Variants in CATSPERE observed in about 807,000 individuals in gnomAD.
CATSPERE encodes the protein cation channel sperm-associated auxiliary subunit epsilon.
In CATSPERE, 93 loss-of-function variants were observed where a neutral mutation model predicts 114.1. The observed-to-expected ratio is 0.81, with a 90% CI of 0.69 to 0.97. The LOEUF is 0.97. CATSPERE is among the 50% of genes least tolerant of loss of function. CATSPERE has a pLI of 0.00. For synonymous variants in CATSPERE, 341 were observed against 384.1 expected, an observed-to-expected ratio of 0.89 and a Z score of 1.31; for missense variants, 1,058 against 1,131.6, an observed-to-expected ratio of 0.93 and a Z score of 0.93.
chr1:244,553,838 C>G (rs1264299704), intron 9 of CATSPERE, among the ~76,000 whole-genome samples: 1 of 152,090 alleles, frequency 6.6e-6, no homozygotes, highest in Non-Finnish European at 1.5e-5. Flanking sequence ...GCACCCCTCT[C>G]CTTCCCAGAC....
chr1:244,510,479 A>T (rs962515553), intron 7 of CATSPERE, among the ~76,000 whole-genome samples: 3 of 152,204 alleles, frequency 2.0e-5, no homozygotes, highest in African/African-American at 7.2e-5. Flanking sequence ...GACACTTGAT[A>T]TGAATTCAAT....
chr1:244,602,419 C>T (rs1669380357), intron 17 of CATSPERE, among the ~76,000 whole-genome samples: 1 of 152,130 alleles, frequency 6.6e-6, no homozygotes, highest in Admixed American at 6.5e-5. Flanking sequence ...GCAGGGGTGG[C>T]CACCGGGAAA....
At chr1:244,547,722 C>G (rs1659974501) in intron 8 of CATSPERE, among the ~76,000 whole-genome samples, 1 of 152,030 alleles carries the variant, frequency 6.6e-6, no homozygotes, top group Non-Finnish European at 1.5e-5. Context: ...AATCATACTA[C>G]TAGAGAACAT....
At position 244,477,610 on chromosome 1, in the gene CATSPERE, A is replaced by C; in HGVS notation, c.184A>C (p.Lys62Gln). 6.4e-7 allele frequency: 1 copy of C among 1,573,436 alleles called. No individual in the cohort carries two copies. Among genetic ancestry groups the C allele is most frequent in the Non-Finnish European group, 8.7e-7 (1 of 1,144,042 alleles). Residue 62 changes from lysine (K) to glutamine (Q), a missense_variant, in exon 3 of 22, where the codon AAA (lysine) becomes CAA (glutamine). Lys to Gln is a moderately conservative substitution (Grantham distance 53). Around this residue, in one of 2 missense-constraint regions of CATSPERE, gnomAD observed 271 missense variants for 225.9 expected, o/e 1.20. Coordinates refer to ENST00000366534, the MANE Select transcript of CATSPERE (RefSeq NM_001130957.2). The stretch of plus-strand genomic sequence containing the variant: ...GCCAGAAACTTGTTTTGTGCTAAAT[A>C]AAAGGTAAGATTTATGCCATGAATA... ...SVPETCFVLNKSSPTTELRCS... is the reference protein window; with the variant it reads ...SVPETCFVLNQSSPTTELRCS...
intron 18 of CATSPERE, among the ~76,000 whole-genome samples, chr1:244,608,799 A>C (rs151044247): frequency 8.4e-4 from 128 of 151,958 alleles, no homozygotes; most frequent in Admixed American, 5.6e-3. Flanking sequence ...CTGTATCTCT[A>C]TCTGTATCTC....
intron 20 of CATSPERE, among the ~76,000 whole-genome samples, chr1:244,619,642 A>G (rs976922028): frequency 2.0e-5 from 3 of 152,198 alleles, no homozygotes; most frequent in African/African-American, 4.8e-5. Flanking sequence ...GGGGCTTCGG[A>G]AAACCACTCA....
intron 17 of CATSPERE, among the ~76,000 whole-genome samples, chr1:244,596,649 C>A (rs1167096033): frequency 6.6e-6 from 1 of 152,028 alleles, no homozygotes; most frequent in East Asian, 1.9e-4. Flanking sequence ...AGGACAAATA[C>A]CTCACGCATG....
chr1:244,485,693 GTTTTTTTTGT>G (rs1670885054), intron 5 of CATSPERE, among the ~76,000 whole-genome samples: 1 of 91,936 alleles, frequency 1.1e-5, no homozygotes, highest in South Asian at 3.3e-4. Flanking sequence ...TCTAAATTTT[GTTTTTTTTGT>G]TTTTTTTTTT....
intron 6 of CATSPERE, among the ~76,000 whole-genome samples, chr1:244,496,633 A>T (rs1199499969): frequency 6.6e-6 from 1 of 152,240 alleles, no homozygotes; most frequent in African/African-American, 2.4e-5. Context: ...TTTCCTTAAT[A>T]AATGTCCTCT....
chr1:244,498,195 G>A (rs1322457664), intron 6 of CATSPERE, among the ~76,000 whole-genome samples: 1 of 152,136 alleles, frequency 6.6e-6, no homozygotes, highest in Non-Finnish European at 1.5e-5. Context: ...AAAAATCAGT[G>A]AAAATATGTA....
At chr1:244,515,477 C>A in intron 7 of CATSPERE, 1 of 222,244 alleles carries the variant, frequency 4.5e-6, no homozygotes. Flanking sequence ...ATTAGATCCT[C>A]AGATCTAGAA....
intron 11 of CATSPERE, among the ~76,000 whole-genome samples, chr1:244,574,936 TTC>T (rs1404924833): frequency 1.3e-5 from 2 of 152,256 alleles, no homozygotes; most frequent in East Asian, 1.9e-4. Flanking sequence ...ACTTTCTGAC[TTC>T]TTTTTACACT....
chr1:244,510,537 C>G (rs1675528628), intron 7 of CATSPERE, among the ~76,000 whole-genome samples: 1 of 152,168 alleles, frequency 6.6e-6, no homozygotes, highest in Admixed American at 6.5e-5. Flanking sequence ...TATATGGCCA[C>G]TTCTGGAGAA....
chr1:244,511,879 A>G lies in CATSPERE; in HGVS notation c.430-6713A>G, dbSNP rs138032662. On this transcript the variant is annotated intron_variant, in intron 7 of 21. Coordinates refer to ENST00000366534, the MANE Select transcript of CATSPERE (RefSeq NM_001130957.2). ...GTATCATCTCATTCTCTCCTGGCCTATTAGGTTTCTGCTGAGAAATCCACT... is the reference window on the plus strand; with the variant it reads ...GTATCATCTCATTCTCTCCTGGCCTGTTAGGTTTCTGCTGAGAAATCCACT... 2.5e-3 allele frequency among the ~76,000 whole-genome samples: 386 copies of G among 152,264 alleles called. 3 individuals are homozygous for G. The highest frequency in any genetic ancestry group is 6.8e-3 in the Middle Eastern group (2 of 292).
chr1:244,518,529 TG>T, intron 7 of CATSPERE, 62 bp from the exon 8 acceptor site: 1 of 971,398 alleles, frequency 1.0e-6, no homozygotes, highest in South Asian at 1.4e-5. Context: ...TATATCCTGA[TG>T]TCACATCAAA....
At chr1:244,566,469 G>T (rs1028930436) in intron 10 of CATSPERE, among the ~76,000 whole-genome samples, 4 of 151,910 alleles carry the variant, frequency 2.6e-5, no homozygotes, top group African/African-American at 9.7e-5. Flanking sequence ...AAGTCTCTTT[G>T]TAGGTCTCTA....
At chr1:244,461,854 C>G (rs1468683146) in intron 1 of CATSPERE, among the ~76,000 whole-genome samples, 1 of 152,168 alleles carries the variant, frequency 6.6e-6, no homozygotes, top group Non-Finnish European at 1.5e-5. Flanking sequence ...TGCTCCGTTG[C>G]CCAGGCTGCA....
In CATSPERE at chr1:244,603,159, C is replaced by CATAGGCAGGGGCTCCTGG. The variant is rs1669505357; in HGVS notation, c.2304-2534_2304-2517dup. On this transcript the variant is annotated intron_variant, in intron 17 of 21. Coordinates refer to ENST00000366534, the MANE Select transcript of CATSPERE (RefSeq NM_001130957.2). ...GGGCTACTAATAAAGAACCCCCTTT[C>CATAGGCAGGGGCTCCTGG]ATAGGCAGGGGCTCCTGGAAGAGTT... Among the ~76,000 whole-genome samples, 3 of 152,100 alleles carry CATAGGCAGGGGCTCCTGG rather than the reference C, an allele frequency of 2.0e-5. No individual in the cohort carries two copies. The South Asian group carries it at 6.2e-4, about 32-fold the overall frequency.
At chr1:244,546,643 G>A (rs774394969) in intron 8 of CATSPERE, among the ~76,000 whole-genome samples, 1 of 152,140 alleles carries the variant, frequency 6.6e-6, no homozygotes, top group South Asian at 2.1e-4. Context: ...AACAGAGATT[G>A]ATTTTTTTAA....
Sources: allele counts gnomAD v4.1 joint callset (sites outside exome capture counted in the v4.1 genomes callset), GRCh38; gene constraint gnomAD v4.1.1; regional missense constraint gnomAD v4.1.1; transcripts MANE v1.5; gene names NCBI Gene and HGNC (gene_info 2026-07-23, HGNC 2026-07-21).